EFCAB8: variants seen among roughly 807,000 people sequenced by gnomAD.
EFCAB8 encodes the protein EF-hand calcium-binding domain-containing protein 8.
In EFCAB8, 100 loss-of-function variants were observed where a neutral mutation model predicts 116.3. That is an observed-to-expected ratio of 0.86 (90% confidence interval 0.73 to 1.02). EFCAB8 has a LOEUF of 1.02. Ranked by LOEUF, EFCAB8 falls within the 50% of genes least tolerant of loss-of-function variation. EFCAB8 has a pLI of 0.00. For synonymous variants in EFCAB8, 558 were observed against 567.9 expected (o/e 0.98, Z 0.25); for missense variants, 1,320 against 1,416.9 (o/e 0.93, Z 1.10).
intron 11 of EFCAB8, among the ~76,000 whole-genome samples, chr20:32,901,171 C>T (rs1986407706): frequency 6.6e-6 from 1 of 152,162 alleles, no homozygotes; most frequent in Admixed American, 6.5e-5. Flanking sequence ...TTGCTTGGAG[C>T]TGTTTGCTGA....
intron 20 of EFCAB8, among the ~76,000 whole-genome samples, chr20:32,927,135 TTTA>T (rs1188816031): frequency 6.6e-6 from 1 of 152,132 alleles, no homozygotes; most frequent in Non-Finnish European, 1.5e-5. Flanking sequence ...AAAGTGAATA[TTTA>T]TTTAGAATGA....
At chr20:32,883,022 G>T (rs1328274356) in intron 5 of EFCAB8, among the ~76,000 whole-genome samples, 2 of 152,104 alleles carry the variant, frequency 1.3e-5, no homozygotes, top group Non-Finnish European at 1.5e-5. Flanking sequence ...ATAGAGACGG[G>T]ATTTCACCGT....
intron 6 of EFCAB8, among the ~76,000 whole-genome samples, chr20:32,888,988 C>G (rs1272182299): frequency 6.6e-6 from 1 of 151,972 alleles, no homozygotes; most frequent in Non-Finnish European, 1.5e-5. Context: ...CAGGGTCTCA[C>G]TCTTGCCCAG....
intron 23 of EFCAB8, among the ~76,000 whole-genome samples, chr20:32,949,932 G>A (rs1241892700): frequency 2.0e-5 from 3 of 152,136 alleles, no homozygotes; most frequent in Non-Finnish European, 4.4e-5. Flanking sequence ...CCTGGGAGGC[G>A]GAGGCTGCAG....
chr20:32,867,849 T>TG lies in EFCAB8; in HGVS notation c.208+102_208+103insG, dbSNP rs887283382. On this transcript the variant is annotated intron_variant, in intron 3 of 26. Transcript: ENST00000400522. ...GGTTCAGACATAATAAGCATTTTTT[T>TG]TTTGTTTTTGAGACAGGATATTGCT... The TG allele has an allele frequency of 3.0e-6, 4 of 1,349,288 alleles. No individual in the cohort carries two copies. In the African/African-American group the frequency reaches 5.9e-5, roughly 20 times the overall value. 83.6% of individuals were successfully genotyped at this position (1,349,288 alleles called of 1,614,324 possible).
intron 13 of EFCAB8, 122 bp downstream of exon 13, chr20:32,907,116 C>T (rs989163119): frequency 1.2e-4 from 168 of 1,420,684 alleles, no homozygotes; most frequent in Non-Finnish European, 1.5e-4. Context: ...GGAGGGGCCC[C>T]GGGTGGGAGG....
rs1359999423 is a variant in EFCAB8 at position 32,961,261 on chromosome 20, C to G, written c.3519C>G (p.Val1173=). Reference sequence around the variant, plus strand: ...ACATCCGCCTGGTGGCCCACCATGTCCAGAAGGACCTGGTGCCCAGCAGGG... The same window carrying G: ...ACATCCGCCTGGTGGCCCACCATGTGCAGAAGGACCTGGTGCCCAGCAGGG... ...DQHIRLVAHH[V]QKDLVPSREQ... Residue 1173 remains valine, a synonymous_variant, in exon 27 of 27, where the codon GTC becomes GTG. Transcript: ENST00000400522. The G allele has an allele frequency of 5.2e-5, 80 of 1,551,136 alleles. No individual in the cohort carries two copies. The highest frequency in any genetic ancestry group is 6.7e-5 in the Non-Finnish European group (77 of 1,146,650).
intron 23 of EFCAB8, among the ~76,000 whole-genome samples, chr20:32,944,907 TTCTC>T (rs780584798): frequency 6.6e-6 from 1 of 151,654 alleles, no homozygotes; most frequent in Non-Finnish European, 1.5e-5. Context: ...TTTTGTCCCT[TTCTC>T]TCTCTCTGTC....
chr20:32,914,646 G>A (rs1361369060), intron 17 of EFCAB8, among the ~76,000 whole-genome samples: 1 of 152,176 alleles, frequency 6.6e-6, no homozygotes, highest in African/African-American at 2.4e-5. Context: ...AGGAGAGAGA[G>A]TGCAAGGGAA....
At chr20:32,883,893 G>T (rs1176914371) in intron 5 of EFCAB8, among the ~76,000 whole-genome samples, 1 of 152,084 alleles carries the variant, frequency 6.6e-6, no homozygotes, top group African/African-American at 2.4e-5. Flanking sequence ...GTTTCACCAC[G>T]TTGGCCGGGC....
chr20:32,917,423 TC>T lies in EFCAB8; in HGVS notation c.1981del (p.Leu661SerfsTer31). 1 of 1,552,056 alleles carries T rather than the reference TC, an allele frequency of 6.4e-7. No homozygotes were observed. The highest frequency in any genetic ancestry group is 8.7e-7 in the Non-Finnish European group (1 of 1,147,058). On this transcript the variant is annotated frameshift_variant, in exon 18 of 27. Transcript: ENST00000400522. LOFTEE classifies it high-confidence loss of function. Reference protein sequence around the residue: ...FLGTSSYSGDILFWNTGTLKP... With the variant: ...FLGTSSYSGDXLFWNTGTLKP... ...GGGACCTCCTCCTACAGTGGGGACA[TC>T]CTCTTCTGGAACACCGGCACACTCA...
intron 22 of EFCAB8, among the ~76,000 whole-genome samples, chr20:32,931,718 A>G (rs1449390923): frequency 3.9e-5 from 6 of 152,222 alleles, no homozygotes. Context: ...AGATCGCGCC[A>G]TTGCATTCCA....
chr20:32,863,172 T>G (rs2146162208), intron 1 of EFCAB8, among the ~76,000 whole-genome samples: 1 of 152,298 alleles, frequency 6.6e-6, no homozygotes, highest in East Asian at 1.9e-4. Flanking sequence ...CCCTCTGGAC[T>G]CTTGCCTGGT....
intron 15 of EFCAB8, among the ~76,000 whole-genome samples, chr20:32,910,679 A>G (rs992138219): frequency 1.5e-4 from 22 of 151,160 alleles, no homozygotes; most frequent in African/African-American, 5.4e-4. Flanking sequence ...TAAAAAAATT[A>G]TCAACTTTTC....
intron 2 of EFCAB8, among the ~76,000 whole-genome samples, chr20:32,864,697 A>G (rs1984300451): frequency 6.6e-6 from 1 of 152,188 alleles, no homozygotes; most frequent in South Asian, 2.1e-4. Flanking sequence ...AGGTTGTGAT[A>G]ATAGTGGGAT....
intron 15 of EFCAB8, among the ~76,000 whole-genome samples, chr20:32,910,970 T>C (rs960482397): frequency 1.3e-5 from 2 of 152,110 alleles, no homozygotes; most frequent in Admixed American, 6.5e-5. Context: ...ACTTCTGACC[T>C]CAAGTGATCC....
intron 1 of EFCAB8, among the ~76,000 whole-genome samples, chr20:32,859,438 C>T (rs1258211217): frequency 6.6e-6 from 1 of 152,142 alleles, no homozygotes; most frequent in African/African-American, 2.4e-5. Flanking sequence ...TGGCCTCTCC[C>T]CTCTTGCTTT....
intron 3 of EFCAB8, among the ~76,000 whole-genome samples, chr20:32,870,512 T>G (rs998856896): frequency 3.9e-5 from 6 of 152,226 alleles, no homozygotes; most frequent in Non-Finnish European, 8.8e-5. Flanking sequence ...TTTTTAATTT[T>G]TTTAGGGACA....
At chr20:32,957,620 TGGTGCTC>T (rs1400018246) in intron 23 of EFCAB8, among the ~76,000 whole-genome samples, 1 of 152,190 alleles carries the variant, frequency 6.6e-6, no homozygotes, top group Non-Finnish European at 1.5e-5. Context: ...CCAGCCTCCC[TGGTGCTC>T]GGCAAATGTC....
Sources: gnomAD v4.1 joint callset for allele counts (sites outside exome capture counted in the v4.1 genomes callset) on GRCh38, gnomAD v4.1.1 for gene constraint, MANE v1.5 for transcripts, NCBI Gene and HGNC (gene_info 2026-07-23, HGNC 2026-07-21) for gene names.